Variants in TLE4 observed in about 807,000 individuals in gnomAD.
The protein encoded by TLE4 is transducin-like enhancer protein 4.
A neutral mutation model predicts 92.8 loss-of-function variants in TLE4; 8 were observed. The ratio of observed to expected loss-of-function variants is 0.09; its 90% CI spans 0.05 to 0.16. TLE4 has a LOEUF of 0.16. Ranked by LOEUF, TLE4 falls within the 10% of genes least tolerant of loss-of-function variation. TLE4 has a pLI of 1.00. For missense variants in TLE4, 675 were observed against 997.6 expected, an observed-to-expected ratio of 0.68 and a Z score of 4.36; for synonymous variants, 371 against 374.1, an observed-to-expected ratio of 0.99 and a Z score of 0.10.
chr9:79,691,806 TATTCTC>T (rs970058394), intron 8 of TLE4, among the ~76,000 whole-genome samples: 61 of 152,364 alleles, frequency 4.0e-4, no homozygotes, highest in Middle Eastern at 6.8e-3. Context: ...GGCTGCTAGT[TATTCTC>T]AGTCTCAGCA....
At chr9:79,699,518 A>G (rs997970528) in intron 8 of TLE4, among the ~76,000 whole-genome samples, 2 of 152,196 alleles carry the variant, frequency 1.3e-5, no homozygotes, top group Non-Finnish European at 2.9e-5. Context: ...CCCTTGACAT[A>G]TTTTAGTGGT....
intron 4 of TLE4, among the ~76,000 whole-genome samples, chr9:79,592,870 A>G (rs562870851): frequency 6.6e-6 from 1 of 152,230 alleles, no homozygotes; most frequent in Non-Finnish European, 1.5e-5. Context: ...AGGCTGAGTC[A>G]ATAATTGTCT....
chr9:79,649,004 A>G (rs2058515236), intron 6 of TLE4, among the ~76,000 whole-genome samples: 2 of 152,220 alleles, frequency 1.3e-5, no homozygotes, highest in Admixed American at 1.3e-4. Context: ...AAGGCTGGCC[A>G]TCGTGATGAT....
chr9:79,671,298 A>C (rs1353334126), intron 8 of TLE4: 1 of 456,086 alleles, frequency 2.2e-6, no homozygotes. Context: ...CTGATTTTAA[A>C]AGACATTCAC....
intron 14 of TLE4, among the ~76,000 whole-genome samples, chr9:79,716,545 C>G (rs1033817626): frequency 2.0e-5 from 3 of 152,176 alleles, no homozygotes; most frequent in African/African-American, 7.2e-5. Flanking sequence ...TCACCTGATT[C>G]CCCAGCACCT....
intron 8 of TLE4, among the ~76,000 whole-genome samples, chr9:79,684,472 TGCAGGGA>T (rs1231141891): frequency 2.5e-5 from 1 of 39,262 alleles, no homozygotes; most frequent in Non-Finnish European, 1.1e-4. Flanking sequence ...AACTGTGCAA[TGCAGGGA>T]TCTATTGTGA....
chr9:79,645,067 A>G (rs886627320), intron 6 of TLE4, among the ~76,000 whole-genome samples: 8 of 152,220 alleles, frequency 5.3e-5, no homozygotes, highest in African/African-American at 1.9e-4. Context: ...AAAATGTGTT[A>G]TAACCTATAA....
At chr9:79,688,733 A>G (rs1002368610) in intron 8 of TLE4, among the ~76,000 whole-genome samples, 1 of 151,920 alleles carries the variant, frequency 6.6e-6, no homozygotes, top group African/African-American at 2.4e-5. Flanking sequence ...GTTTAATCAC[A>G]ACTTAAAAAG....
rs767747022 is a variant in TLE4 at position 79,704,897 on chromosome 9, C to T, written c.724C>T (p.Arg242Cys). 1.9e-5 allele frequency: 30 copies of T among 1,613,892 alleles called. No individual in the cohort carries two copies. Among genetic ancestry groups the T allele is most frequent in the Non-Finnish European group, 2.5e-5 (29 of 1,179,970 alleles). Residue 242 changes from arginine to cysteine, a missense_variant, in exon 9 of 20, where the codon CGT (arginine) becomes TGT (cysteine). By Grantham distance (180) the Arg-to-Cys change is radical (BLOSUM62 -3). Coordinates refer to ENST00000376552, the MANE Select transcript of TLE4 (RefSeq NM_007005.6). ...QKTEEKEIAA[R>C]YDSDGEKSDD... Reference sequence around the variant, plus strand: ...AACTGAAGAAAAGGAAATTGCAGCTCGTTATGTAAGTTCATTCACCTTTGT... The same window carrying T: ...AACTGAAGAAAAGGAAATTGCAGCTTGTTATGTAAGTTCATTCACCTTTGT...
At chr9:79,643,124 C>T (rs555900528) in intron 6 of TLE4, among the ~76,000 whole-genome samples, 1 of 152,260 alleles carries the variant, frequency 6.6e-6, no homozygotes, top group South Asian at 2.1e-4. Flanking sequence ...TTTTCCCAGC[C>T]TCTACAACTA....
intron 14 of TLE4, among the ~76,000 whole-genome samples, chr9:79,713,889 A>T (rs180807454): frequency 5.2e-4 from 79 of 151,858 alleles, no homozygotes; most frequent in African/African-American, 1.8e-3. Flanking sequence ...TTTGAGAGAG[A>T]GTCTCGGTCT....
At chr9:79,651,131 A>T (rs1331101058) in intron 6 of TLE4, among the ~76,000 whole-genome samples, 1 of 151,224 alleles carries the variant, frequency 6.6e-6, no homozygotes, top group African/African-American at 2.4e-5. Context: ...TATAGAAGGG[A>T]CTATTTGGCT....
intron 5 of TLE4, among the ~76,000 whole-genome samples, chr9:79,616,530 G>A (rs2049660444): frequency 6.6e-6 from 1 of 152,140 alleles, no homozygotes; most frequent in Admixed American, 6.5e-5. Context: ...TGGGAAGAAT[G>A]TGAATTGATT....
intron 4 of TLE4, among the ~76,000 whole-genome samples, chr9:79,597,780 C>G (rs141802473): frequency 5.2e-4 from 79 of 152,316 alleles, no homozygotes; most frequent in Non-Finnish European, 1.1e-3. Flanking sequence ...GCTATATGAT[C>G]ATGGTAAATT....
chr9:79,688,506 A>G (rs531687743), intron 8 of TLE4, among the ~76,000 whole-genome samples: 3 of 152,164 alleles, frequency 2.0e-5, no homozygotes, highest in South Asian at 2.1e-4. Flanking sequence ...ATATTTTTTA[A>G]TATGTTCCTA....
chr9:79,692,427 C>T (rs968636028), intron 8 of TLE4, among the ~76,000 whole-genome samples: 1 of 152,182 alleles, frequency 6.6e-6, no homozygotes, highest in Non-Finnish European at 1.5e-5. Context: ...CTCTCCAGGC[C>T]TCCTGCTACC....
intron 6 of TLE4, among the ~76,000 whole-genome samples, chr9:79,628,342 C>G (rs1003114650): frequency 6.6e-6 from 1 of 151,528 alleles, no homozygotes; most frequent in African/African-American, 2.4e-5. Flanking sequence ...GTATCAAACA[C>G]ACTTTGAAAT....
intron 8 of TLE4, among the ~76,000 whole-genome samples, chr9:79,658,151 A>G (rs1190317609): frequency 1.3e-5 from 2 of 152,140 alleles, no homozygotes; most frequent in Non-Finnish European, 2.9e-5. Flanking sequence ...GATCATTTTT[A>G]GTGACTTGTG....
At chr9:79,687,416 G>T (rs769726029) in intron 8 of TLE4, among the ~76,000 whole-genome samples, 1 of 152,210 alleles carries the variant, frequency 6.6e-6, no homozygotes, top group African/African-American at 2.4e-5. Context: ...TATCTCTCAA[G>T]TGGAGACCTC....
Sources: allele counts gnomAD v4.1 joint callset (sites outside exome capture counted in the v4.1 genomes callset), GRCh38; gene constraint gnomAD v4.1.1; transcripts MANE v1.5; gene names NCBI Gene and HGNC (gene_info 2026-07-23, HGNC 2026-07-21).